The following FBXO4 variants were observed in gnomAD, a reference collection of about 807,000 sequenced individuals.
FBXO4 encodes F-box protein 4.
A neutral mutation model predicts 43.7 loss-of-function variants in FBXO4; 36 were observed. The ratio of observed to expected loss-of-function variants is 0.82; its 90% CI spans 0.63 to 1.09. The LOEUF (loss-of-function observed/expected upper bound fraction) is 1.09. FBXO4 is among the 50% of genes least tolerant of loss of function. FBXO4 has a pLI of 0.00. For missense variants in FBXO4, 435 were observed against 474.1 expected, an observed-to-expected ratio of 0.92 and a Z score of 0.77; for synonymous variants, 180 against 165.6, an observed-to-expected ratio of 1.09 and a Z score of -0.67.
chr5:41,967,074 C>T, the FBXO4 span: 2 of 255,336 alleles, frequency 7.8e-6, no homozygotes, highest in African/African-American at 2.3e-5. Context: ...TCACGTTTCT[C>T]TCGGCTTGCT....
the FBXO4 span, among the ~76,000 whole-genome samples, chr5:41,955,984 ATTAAC>A: frequency 6.6e-6 from 1 of 152,204 alleles, no homozygotes; most frequent in East Asian, 1.9e-4. Flanking sequence ...AGTTTTTCTA[ATTAAC>A]TTAGCATCCC....
At chr5:41,944,804 T>C (rs749023372), downstream of FBXO4, among the ~76,000 whole-genome samples, 11 of 152,232 alleles carry the variant, frequency 7.2e-5, no homozygotes, top group Admixed American at 2.0e-4. Context: ...GTTACGATTG[T>C]ACTCATGCAG....
At chr5:41,980,323 G>A in the FBXO4 span, among the ~76,000 whole-genome samples, 1 of 152,102 alleles carries the variant, frequency 6.6e-6, no homozygotes, top group South Asian at 2.1e-4. Flanking sequence ...GTGAGCATAC[G>A]TATAGGTTAA....
chr5:41,933,839 A>C, intron 3 of FBXO4, 107 bp from the exon 4 acceptor site: 1 of 781,044 alleles, frequency 1.3e-6, no homozygotes, highest in Non-Finnish European at 2.1e-6. Context: ...ATAAGTTGTT[A>C]TAGAATTTTT....
At chr5:42,030,096 GA>G in the FBXO4 span, among the ~76,000 whole-genome samples, 2 of 151,858 alleles carry the variant, frequency 1.3e-5, no homozygotes, top group African/African-American at 4.8e-5. Flanking sequence ...CACAGAATTG[GA>G]AAAAAATACT....
the FBXO4 span, chr5:41,964,058 A>C: frequency 6.6e-6 from 1 of 152,236 alleles, no homozygotes; most frequent in Admixed American, 6.5e-5. Flanking sequence ...TGGCAGCATC[A>C]TTGAAATAAG....
At chr5:41,988,867 T>A in the FBXO4 span, among the ~76,000 whole-genome samples, 1 of 152,174 alleles carries the variant, frequency 6.6e-6, no homozygotes, top group Non-Finnish European at 1.5e-5. Context: ...AAAATATATT[T>A]ATCCAAAAGA....
the FBXO4 span, among the ~76,000 whole-genome samples, chr5:41,981,856 C>G: frequency 5.1e-3 from 766 of 151,112 alleles, 9 homozygotes; most frequent in African/African-American, 0.017. Context: ...CCATTAACTC[C>G]TCATTTAGCA....
the FBXO4 span, among the ~76,000 whole-genome samples, chr5:42,020,614 G>T: frequency 6.6e-6 from 1 of 152,146 alleles, no homozygotes; most frequent in Non-Finnish European, 1.5e-5. Context: ...AAGGAACGAG[G>T]CTCTTTTCTC....
the FBXO4 span, among the ~76,000 whole-genome samples, chr5:41,964,535 T>C: frequency 6.6e-6 from 1 of 151,222 alleles, no homozygotes; most frequent in East Asian, 1.9e-4. Flanking sequence ...GAAAATTCTT[T>C]GGTGGAAAAG....
chr5:41,948,477 T>C, the FBXO4 span, among the ~76,000 whole-genome samples: 1 of 152,166 alleles, frequency 6.6e-6, no homozygotes, highest in African/African-American at 2.4e-5. Flanking sequence ...CCAGGGAATG[T>C]AATATATTTT....
chr5:41,928,626 G>T (rs531325432), intron 2 of FBXO4: 2 of 152,368 alleles, frequency 1.3e-5, no homozygotes, highest in African/African-American at 4.8e-5. Context: ...GAGCCACTGC[G>T]CCCGGCCAAC....
the FBXO4 span, among the ~76,000 whole-genome samples, chr5:42,010,480 C>T: frequency 6.6e-6 from 1 of 151,468 alleles, no homozygotes; most frequent in African/African-American, 2.4e-5. Flanking sequence ...TGGACTCCAG[C>T]CTGGGTGACA....
the FBXO4 span, among the ~76,000 whole-genome samples, chr5:41,959,362 T>G: frequency 6.6e-6 from 1 of 151,164 alleles, no homozygotes; most frequent in African/African-American, 2.5e-5. Context: ...CTCTGTTGAC[T>G]TTTTTTCTTT....
At chr5:41,954,115 C>G in the FBXO4 span, among the ~76,000 whole-genome samples, 1 of 152,048 alleles carries the variant, frequency 6.6e-6, no homozygotes, top group African/African-American at 2.4e-5. Context: ...CTATCAGGTT[C>G]TTCAATATAA....
rs767408447 is a variant in FBXO4, at chr5:41,939,579, A to G, written c.1037A>G (p.His346Arg). The G allele has an allele frequency of 6.8e-6, 11 of 1,613,336 alleles. No individual in the cohort carries two copies. The highest frequency in any genetic ancestry group is 4.0e-5 in the African/African-American group (3 of 74,902). ...VKRMPCFYLA[H>R]ELHLNLLNHP... ...AGAATGCCCTGTTTTTATTTGGCTC[A>G]TGAGCTGCATCTGAATCTTCTAAAT... Residue 346 changes from histidine (H) to arginine (R), a missense_variant, in exon 6 of 7, where the codon CAT (histidine) becomes CGT (arginine). By Grantham distance (29) the His-to-Arg change is conservative. Transcript: ENST00000281623.
At chr5:42,035,142 A>C in the FBXO4 span, among the ~76,000 whole-genome samples, 4 of 151,778 alleles carry the variant, frequency 2.6e-5, no homozygotes, top group Admixed American at 2.6e-4. Flanking sequence ...GGTTTATAGG[A>C]ATGCTTGTGA....
chr5:42,004,534 T>A, the FBXO4 span, among the ~76,000 whole-genome samples: 1 of 152,170 alleles, frequency 6.6e-6, no homozygotes, highest in Non-Finnish European at 1.5e-5. Context: ...GACCATAGAA[T>A]AATACATGTA....
chr5:42,014,192 A>G, the FBXO4 span, among the ~76,000 whole-genome samples: 2 of 152,286 alleles, frequency 1.3e-5, no homozygotes, highest in African/African-American at 4.8e-5. Flanking sequence ...ACTCAGGGCT[A>G]GAAAATTTTG....
Sources: allele counts gnomAD v4.1 joint callset (sites outside exome capture counted in the v4.1 genomes callset), GRCh38; gene constraint gnomAD v4.1.1; transcripts MANE v1.5; gene names NCBI Gene and HGNC (gene_info 2026-07-23, HGNC 2026-07-21).